The following AP3B1 variants were observed in gnomAD, a reference collection of about 807,000 sequenced individuals.
AP3B1 encodes the protein AP-3 complex subunit beta-1.
AP3B1 carries 61 observed loss-of-function variants against 132.5 expected under a neutral mutation model. The observed-to-expected ratio is 0.46, with a 90% CI of 0.37 to 0.57. AP3B1 has a LOEUF of 0.57. AP3B1 is among the 20% of genes least tolerant of loss of function. AP3B1 has a pLI of 0.00. For synonymous variants in AP3B1, 388 were observed against 438.3 expected (o/e 0.89, Z 1.43); for missense variants, 1,120 against 1,289.4 (o/e 0.87, Z 2.01).
chr5:78,210,920 G>T (rs894679231), intron 7 of AP3B1, among the ~76,000 whole-genome samples: 2 of 151,862 alleles, frequency 1.3e-5, no homozygotes, highest in Non-Finnish European at 2.9e-5. Context: ...CCCATAATAG[G>T]CTTGAATGAC....
chr5:78,252,565 C>A (rs1426512272), intron 2 of AP3B1, among the ~76,000 whole-genome samples: 1 of 152,188 alleles, frequency 6.6e-6, no homozygotes, highest in Non-Finnish European at 1.5e-5. Context: ...CGTTAAGGGA[C>A]TATGGGGGTA....
At chr5:78,084,542 AAAAAG>A (rs1561394763) in intron 22 of AP3B1, among the ~76,000 whole-genome samples, 1 of 149,338 alleles carries the variant, frequency 6.7e-6, no homozygotes. Context: ...AAAAAAAAAA[AAAAAG>A]AAAAGAAGAG....
chr5:78,041,498 G>T (rs1383031549), intron 22 of AP3B1, among the ~76,000 whole-genome samples: 2 of 151,710 alleles, frequency 1.3e-5, no homozygotes, highest in African/African-American at 4.8e-5. Context: ...AGTTGAGGCT[G>T]CAGTGAGCCA....
chr5:78,103,370 A>G (rs141911521), intron 20 of AP3B1, among the ~76,000 whole-genome samples: 132 of 152,308 alleles, frequency 8.7e-4, no homozygotes, highest in African/African-American at 3.1e-3. Flanking sequence ...CTCCGCCTGC[A>G]AAGTGTGTAA....
At chr5:78,119,079 G>A (rs77184498) in intron 17 of AP3B1, among the ~76,000 whole-genome samples, 1 of 152,210 alleles carries the variant, frequency 6.6e-6, no homozygotes, top group Non-Finnish European at 1.5e-5. Context: ...CCAGGCAACA[G>A]GGTCTGGAGT....
chr5:78,270,766 T>A (rs1160581757), intron 1 of AP3B1, among the ~76,000 whole-genome samples: 1 of 152,216 alleles, frequency 6.6e-6, no homozygotes, highest in East Asian at 1.9e-4. Context: ...TCACTTAGGA[T>A]CTAAGCTTCC....
intron 22 of AP3B1, among the ~76,000 whole-genome samples, chr5:78,046,543 T>C (rs1295674942): frequency 6.6e-6 from 1 of 152,148 alleles, no homozygotes; most frequent in Non-Finnish European, 1.5e-5. Context: ...TTTTCAAAGA[T>C]GTTTCCACAG....
chr5:78,135,304 C>T (rs1368702015), intron 15 of AP3B1, among the ~76,000 whole-genome samples: 1 of 152,064 alleles, frequency 6.6e-6, no homozygotes, highest in Non-Finnish European at 1.5e-5. Context: ...ATTTCAAAAA[C>T]ATGATATTAA....
chr5:78,195,431 C>A (rs1745042152), intron 7 of AP3B1, among the ~76,000 whole-genome samples: 1 of 152,162 alleles, frequency 6.6e-6, no homozygotes, highest in African/African-American at 2.4e-5. Context: ...AGCCTAGAAA[C>A]AGACTCTCAT....
intron 26 of AP3B1, among the ~76,000 whole-genome samples, chr5:78,009,974 G>A (rs1476031248): frequency 6.6e-6 from 1 of 152,112 alleles, no homozygotes. Context: ...AAAATGAGTA[G>A]GTAAGTGTGA....
intron 7 of AP3B1, among the ~76,000 whole-genome samples, chr5:78,198,938 G>A (rs1745180725): frequency 6.6e-6 from 1 of 152,146 alleles, no homozygotes; most frequent in South Asian, 2.1e-4. Flanking sequence ...TTGTGTCTAT[G>A]TAAAACAACA....
In AP3B1 at chr5:78,020,675, T is replaced by C; in HGVS notation, c.2992+17A>G. On this transcript the variant is annotated intron_variant, in intron 25 of 26. Coordinates refer to ENST00000255194, the MANE Select transcript of AP3B1 (RefSeq NM_003664.5). ...ATTTGGTATGTAAATTTCTAGTAAG[T>C]TGTAGACATCTCTCACCTTGCTCTT... is the stretch of plus-strand genomic sequence containing the variant. 1 of 1,576,660 alleles carries C rather than the reference T, an allele frequency of 6.3e-7. No homozygotes were observed. The highest frequency in any genetic ancestry group is 8.7e-7 in the Non-Finnish European group (1 of 1,146,858).
intron 23 of AP3B1, among the ~76,000 whole-genome samples, chr5:78,038,354 C>A (rs181987151): frequency 6.6e-6 from 1 of 152,124 alleles, no homozygotes. Context: ...TAGTCTACAT[C>A]GGGGGTGTGC....
chr5:78,157,436 G>A (rs1458557628), intron 13 of AP3B1, among the ~76,000 whole-genome samples: 1 of 152,128 alleles, frequency 6.6e-6, no homozygotes, highest in Non-Finnish European at 1.5e-5. Flanking sequence ...ACTGGAGGTG[G>A]ATAGGAAGTA....
At chr5:78,270,895 C>T (rs984039983) in intron 1 of AP3B1, among the ~76,000 whole-genome samples, 1 of 152,142 alleles carries the variant, frequency 6.6e-6, no homozygotes, top group African/African-American at 2.4e-5. Flanking sequence ...TCATCTGGTT[C>T]TCCATTCGCA....
chr5:78,292,901 C>T (rs1207452846), intron 1 of AP3B1, among the ~76,000 whole-genome samples: 3 of 151,308 alleles, frequency 2.0e-5, no homozygotes, highest in Admixed American at 6.6e-5. Context: ...TTTTTTGAGA[C>T]GGAGTCTCAC....
At chr5:78,271,198 G>C (rs1022212480) in intron 1 of AP3B1, among the ~76,000 whole-genome samples, 1 of 152,156 alleles carries the variant, frequency 6.6e-6, no homozygotes, top group African/African-American at 2.4e-5. Flanking sequence ...GAGGCGAGAG[G>C]ATCACCTGAG....
At chr5:78,099,139 G>A (rs1480999650) in intron 21 of AP3B1, among the ~76,000 whole-genome samples, 1 of 152,184 alleles carries the variant, frequency 6.6e-6, no homozygotes, top group Non-Finnish European at 1.5e-5. Flanking sequence ...TATCTCTGAA[G>A]CAGAGCTAGC....
rs1428953856 is a variant in AP3B1 at position 78,181,884 on chromosome 5, T to A, written c.787-222A>T. The stretch of plus-strand genomic sequence containing the variant: ...TACTGTGCTATAGATGATGTGCTTC[T>A]ATTGTATTACAAAGTAAATTTTTGA... On this transcript the variant is annotated intron_variant, in intron 7 of 26. Transcript: ENST00000255194. Among the ~76,000 whole-genome samples the A allele has an allele frequency of 2.6e-5, 4 of 152,318 alleles. No homozygotes were observed. The South Asian group carries it at 6.2e-4, about 24-fold the overall frequency.
Sources: allele counts gnomAD v4.1 joint callset (sites outside exome capture counted in the v4.1 genomes callset), GRCh38; gene constraint gnomAD v4.1.1; transcripts MANE v1.5; gene names NCBI Gene and HGNC (gene_info 2026-07-23, HGNC 2026-07-21).